The following EFHB variants were observed in gnomAD, a reference collection of about 807,000 sequenced individuals.
The protein encoded by EFHB is EF-hand domain-containing family member B.
In EFHB, 91 loss-of-function variants were observed where a neutral mutation model predicts 87.2. The ratio of observed to expected loss-of-function variants is 1.04; its 90% confidence interval spans 0.88 to 1.24. The LOEUF is 1.24. Ranked by LOEUF, EFHB falls within the 50% of genes most tolerant of loss-of-function variation. The pLI is 0.00. For missense variants in EFHB, 1,084 were observed against 998.8 expected (o/e 1.09, Z -1.15); for synonymous variants, 325 against 333.6 (o/e 0.97, Z 0.28).
chr3:19,934,317 ATC>A (rs144284406), upstream of EFHB: 1,299 of 1,038,148 alleles, frequency 1.3e-3, no homozygotes, highest in East Asian at 2.1e-3. Flanking sequence ...CTCTCTCTCA[ATC>A]TCTCTCTCTC....
intron 5 of EFHB, 59 bp downstream of exon 5, chr3:19,915,244 T>A (rs1157094186): frequency 1.8e-6 from 2 of 1,106,898 alleles, no homozygotes; most frequent in East Asian, 4.8e-5. Context: ...CCTTTATTCC[T>A]CTTCACAAAT....
chr3:19,913,718 A>G (rs1695135581), intron 5 of EFHB, among the ~76,000 whole-genome samples: 1 of 152,218 alleles, frequency 6.6e-6, no homozygotes, highest in African/African-American at 2.4e-5. Context: ...TGAAACCACA[A>G]AATACCCAGA....
Position 19,909,726 on chromosome 3 carries a change from C to T in EFHB, c.1289-3977G>A, listed in dbSNP as rs116408078. Among the ~76,000 whole-genome samples the T allele has an allele frequency of 6.3e-3, 955 of 152,252 alleles. 14 individuals carry two copies. Among genetic ancestry groups the T allele is most frequent in the African/African-American group, 0.018 (756 of 41,560 alleles). ...GAGGGAAGAGCAGGGAAGACTTCAC[C>T]TTGCATCTAGGACACCACCTCAGCC... On this transcript the variant is annotated intron_variant, in intron 5 of 12. Coordinates refer to ENST00000295824, the MANE Select transcript of EFHB (RefSeq NM_144715.4).
chr3:19,888,584 T>C lies in EFHB; in HGVS notation c.1793A>G (p.Asp598Gly), dbSNP rs1694190697. 6.2e-7 allele frequency: 1 copy of C among 1,605,714 alleles called. No individual in the cohort carries two copies. The highest frequency in any genetic ancestry group is 8.5e-7 in the Non-Finnish European group (1 of 1,175,790). ...AAATAGCTGGTCCAGGAGCTTGTCATCTAAACTCAAGTTGGCCTGGTCACA... is the reference window on the plus strand; with the variant it reads ...AAATAGCTGGTCCAGGAGCTTGTCACCTAAACTCAAGTTGGCCTGGTCACA... ...EACDQANLSL[D>G]DKLLDQLFDY... Residue 598 changes from aspartate to glycine, a missense_variant, in exon 10 of 13, where the codon GAT (aspartate) becomes GGT (glycine). Physicochemically the swap from Asp to Gly is moderately conservative, Grantham distance 94. Coordinates refer to ENST00000295824, the MANE Select transcript of EFHB (RefSeq NM_144715.4).
intron 1 of EFHB, among the ~76,000 whole-genome samples, chr3:19,929,759 A>G (rs1025203575): frequency 1.3e-5 from 2 of 152,080 alleles, no homozygotes; most frequent in Non-Finnish European, 2.9e-5. Flanking sequence ...TTATCATTAA[A>G]AGATCTTTTT....
rs765290040 is a variant in EFHB, at chr3:19,926,170, T to C, written c.790-5603A>G. ...AAATAGCTGTCAGGTTCTACTAGTA[T>C]AGAACAGGAAAAAGCAAGGCACCCC... On this transcript the variant is annotated intron_variant, in intron 1 of 12. Transcript: ENST00000295824. Among the ~76,000 whole-genome samples, 12 of 152,128 alleles carry C rather than the reference T, an allele frequency of 7.9e-5. No homozygotes were observed. In the East Asian group the frequency reaches 1.2e-3, roughly 15 times the overall value.
chr3:19,940,902 G>A lies in EFHB; in HGVS notation c.-31-4568C>T, dbSNP rs1187717061. On this transcript the variant is annotated intron_variant, in intron 1 of 14. Transcript: ENST00000344838. ...CTGCCTGTCAGAGTAGGTAGTGAAG[G>A]TCTGTCTGCTTGGAAGGAATGGTAG... 3 of 345,046 alleles carry A rather than the reference G, an allele frequency of 8.7e-6. No homozygotes were observed. In the Admixed American group the frequency reaches 1.0e-4, roughly 12 times the overall value. The allele number at this position is 345,046 out of a possible 1,614,324, so 21.4% of individuals were successfully genotyped here. A position where few individuals can be genotyped will look rare whatever the true frequency, so the allele number is the denominator to read the frequency against.
chr3:19,936,243 G>T, upstream of EFHB: 1 of 772,566 alleles, frequency 1.3e-6, no homozygotes, highest in Non-Finnish European at 2.2e-6. Context: ...TCAGCTATCT[G>T]AGAGGCTGAA....
In EFHB at chr3:19,939,370, C is replaced by CTTTTTTTTTTTTT. The variant is rs147510880; in HGVS notation, c.-31-3049_-31-3037dup. Reference sequence around the variant, plus strand: ...TGCCACTCAAACTGGGTTGGGTCTCCTTTTTTTTTTTTTTTTTTTTTTTTT... The same window carrying CTTTTTTTTTTTTT: ...TGCCACTCAAACTGGGTTGGGTCTCCTTTTTTTTTTTTTTTTTTTTTTTTTTTTTTTTTTTTTT... On this transcript the variant is annotated intron_variant, in intron 1 of 14. Transcript: ENST00000344838. Among the ~76,000 whole-genome samples the CTTTTTTTTTTTTT allele has an allele frequency of 3.9e-4, 25 of 64,588 alleles. 2 individuals carry two copies. Among genetic ancestry groups the CTTTTTTTTTTTTT allele is most frequent in the African/African-American group, 1.2e-3 (19 of 15,854 alleles). The allele number at this position is 64,588 out of a possible 152,430, so 42.4% of individuals were successfully genotyped here.
At chr3:19,938,115 T>G (rs1696064317), upstream of EFHB, among the ~76,000 whole-genome samples, 1 of 152,204 alleles carries the variant, frequency 6.6e-6, no homozygotes, top group African/African-American at 2.4e-5. Context: ...GGGAGCCACC[T>G]AGGTTCCCTT....
rs1695909493 is a variant in EFHB, at chr3:19,933,575, A to G, written c.444T>C (p.Ala148=). 2 of 1,613,960 alleles carry G rather than the reference A, an allele frequency of 1.2e-6. No individual in the cohort carries two copies. Among genetic ancestry groups the G allele is most frequent in the Non-Finnish European group, 1.7e-6 (2 of 1,179,878 alleles). ...QAAGSRRAPL[A]SGPEGVEELV... is the part of the protein sequence containing the mutation. ...ATTCCTCTACCCCTTCAGGGCCACT[A>G]GCCAAAGGAGCTCTCCTGCTCCCTG... The change falls in exon 1 of 13, where the codon GCT becomes GCC. Residue 148 remains alanine (A), a synonymous_variant. Coordinates refer to ENST00000295824, the MANE Select transcript of EFHB (RefSeq NM_144715.4).
chr3:19,883,324 T>C (rs2071728243), intron 11 of EFHB, among the ~76,000 whole-genome samples: 1 of 152,130 alleles, frequency 6.6e-6, no homozygotes, highest in Admixed American at 6.6e-5. Flanking sequence ...TGCTAAAAAG[T>C]TTGTAAATAC....
intron 1 of EFHB, among the ~76,000 whole-genome samples, chr3:19,943,812 T>C (rs1486580482): frequency 1.3e-5 from 2 of 152,172 alleles, no homozygotes; most frequent in Non-Finnish European, 2.9e-5. Flanking sequence ...CCCTATCTCA[T>C]GGAGCTTATA....
At chr3:19,889,618 C>T (rs1387641513) in intron 9 of EFHB, among the ~76,000 whole-genome samples, 1 of 152,176 alleles carries the variant, frequency 6.6e-6, no homozygotes, top group Non-Finnish European at 1.5e-5. Context: ...CAGTCAGACC[C>T]ACAGCCCTGG....
chr3:19,939,923 G>C (rs1696117853), intron 1 of EFHB, among the ~76,000 whole-genome samples: 1 of 152,128 alleles, frequency 6.6e-6, no homozygotes, highest in African/African-American at 2.4e-5. Flanking sequence ...CAACAACTTA[G>C]TGTTATAGAT....
chr3:19,902,794 C>A (rs1206354115), intron 6 of EFHB, among the ~76,000 whole-genome samples: 1 of 152,188 alleles, frequency 6.6e-6, no homozygotes, highest in Non-Finnish European at 1.5e-5. Flanking sequence ...AGAAATCAAA[C>A]TGAATGAAGT....
intron 12 of EFHB, among the ~76,000 whole-genome samples, chr3:19,882,332 G>A (rs2071699018): frequency 6.6e-6 from 1 of 152,070 alleles, no homozygotes; most frequent in Non-Finnish European, 1.5e-5. Context: ...GGACCATATT[G>A]AATGTAAAAT....
intron 6 of EFHB, among the ~76,000 whole-genome samples, chr3:19,901,611 G>A (rs1046885780): frequency 1.1e-4 from 16 of 152,144 alleles, no homozygotes; most frequent in African/African-American, 3.9e-4. Context: ...ATAAATCAAT[G>A]CAGTTTAGGG....
At chr3:19,898,539 C>T (rs571626584) in intron 8 of EFHB, among the ~76,000 whole-genome samples, 15 of 152,252 alleles carry the variant, frequency 9.9e-5, no homozygotes, top group Admixed American at 3.3e-4. Flanking sequence ...AAATTCAAAG[C>T]CTTAACTACA....
Sources: allele counts gnomAD v4.1 joint callset (sites outside exome capture counted in the v4.1 genomes callset), GRCh38; gene constraint gnomAD v4.1.1; transcripts MANE v1.5; gene names NCBI Gene and HGNC (gene_info 2026-07-23, HGNC 2026-07-21).